CEP128: variants seen among roughly 807,000 people sequenced by gnomAD.
The protein encoded by CEP128 is centrosomal protein 128kDa.
In CEP128, 132 loss-of-function variants were observed where a neutral mutation model predicts 156.7. The ratio of observed to expected loss-of-function variants is 0.84; its 90% CI spans 0.73 to 0.97. The LOEUF (loss-of-function observed/expected upper bound fraction) is 0.97. Ranked by LOEUF, CEP128 falls within the 50% of genes least tolerant of loss-of-function variation. The probability of loss-of-function intolerance (pLI) is 0.00; values close to 1 mark genes in which losing one functional copy is unlikely to be tolerated. For synonymous variants in CEP128, 469 were observed against 448.9 expected (o/e 1.04, Z -0.57); for missense variants, 1,252 against 1,281.9 (o/e 0.98, Z 0.36).
At chr14:80,745,652 C>G (rs1899061959) in intron 18 of CEP128, among the ~76,000 whole-genome samples, 2 of 152,028 alleles carry the variant, frequency 1.3e-5, no homozygotes, top group Non-Finnish European at 2.9e-5. Flanking sequence ...TATTATCATA[C>G]TTAACAGTAA....
chr14:80,729,675 C>G (rs1247906014), intron 19 of CEP128, among the ~76,000 whole-genome samples: 2 of 152,156 alleles, frequency 1.3e-5, no homozygotes, highest in East Asian at 3.9e-4. Context: ...CTCTTTTCAT[C>G]ACATCCGTGC....
chr14:80,681,835 G>A (rs932404651), intron 19 of CEP128, among the ~76,000 whole-genome samples: 1 of 152,176 alleles, frequency 6.6e-6, no homozygotes, highest in Non-Finnish European at 1.5e-5. Context: ...CTAATACAGT[G>A]AGTCATCTCT....
chr14:80,800,401 T>C (rs1883773108), intron 13 of CEP128, among the ~76,000 whole-genome samples: 1 of 152,178 alleles, frequency 6.6e-6, no homozygotes, highest in Non-Finnish European at 1.5e-5. Flanking sequence ...ATTAGTGACA[T>C]AATCCAATGT....
intron 9 of CEP128, among the ~76,000 whole-genome samples, chr14:80,852,549 AC>A (rs1886945741): frequency 6.6e-6 from 1 of 151,880 alleles, no homozygotes; most frequent in Non-Finnish European, 1.5e-5. Context: ...GAAGCAATAA[AC>A]AAAGCCAGTC....
intron 19 of CEP128, among the ~76,000 whole-genome samples, chr14:80,711,020 A>C (rs556996301): frequency 1.3e-5 from 2 of 152,272 alleles, no homozygotes; most frequent in East Asian, 3.9e-4. Context: ...CTCTTAAGAG[A>C]AACAGTATAG....
chr14:80,720,182 A>G (rs1897762263), intron 19 of CEP128, among the ~76,000 whole-genome samples: 1 of 152,108 alleles, frequency 6.6e-6, no homozygotes, highest in African/African-American at 2.4e-5. Context: ...CATATAAGAG[A>G]AACAAAAATA....
chr14:80,690,590 A>G (rs1206522314), intron 19 of CEP128, among the ~76,000 whole-genome samples: 1 of 152,174 alleles, frequency 6.6e-6, no homozygotes, highest in African/African-American at 2.4e-5. Context: ...ATCATGCCAT[A>G]CAGCTGTGTG....
intron 14 of CEP128, 35 bp downstream of exon 14, chr14:80,792,725 T>C (rs777762873): frequency 2.6e-6 from 4 of 1,551,326 alleles, no homozygotes; most frequent in East Asian, 2.2e-5. Context: ...TTGAATCACA[T>C]TGAAAACCGT....
At chr14:80,936,115 A>C (rs565206944) in intron 2 of CEP128, among the ~76,000 whole-genome samples, 1 of 152,362 alleles carries the variant, frequency 6.6e-6, no homozygotes, top group East Asian at 1.9e-4. Context: ...TGGGAAGTAC[A>C]GAATTAAAGC....
intron 9 of CEP128, among the ~76,000 whole-genome samples, chr14:80,849,740 G>A (rs1886793610): frequency 6.6e-6 from 1 of 151,976 alleles, no homozygotes; most frequent in Non-Finnish European, 1.5e-5. Flanking sequence ...AGAAAAAATA[G>A]GCAAAGGATA....
chr14:80,831,496 T>C (rs1885798299), intron 12 of CEP128, among the ~76,000 whole-genome samples: 1 of 152,108 alleles, frequency 6.6e-6, no homozygotes, highest in African/African-American at 2.4e-5. Context: ...TCAAATATTA[T>C]TCCAGTTTGA....
At chr14:80,955,418 G>A (rs1480109746) in intron 2 of CEP128, 1 of 554,878 alleles carries the variant, frequency 1.8e-6, no homozygotes, top group African/African-American at 1.9e-5. Context: ...AACAGACGGA[G>A]CGGACTGCGT....
chr14:80,577,094 A>G (rs976189218), intron 20 of CEP128, among the ~76,000 whole-genome samples: 6 of 152,076 alleles, frequency 3.9e-5, no homozygotes, highest in African/African-American at 1.4e-4. Context: ...TCATAACACT[A>G]TATGTTCCTG....
At chr14:80,592,320 T>C (rs1045933417) in intron 19 of CEP128, among the ~76,000 whole-genome samples, 1 of 152,154 alleles carries the variant, frequency 6.6e-6, no homozygotes, top group Non-Finnish European at 1.5e-5. Context: ...GTGAAGGGGA[T>C]ATCACCACTG....
chr14:80,802,689 A>C (rs1034294663), intron 13 of CEP128, among the ~76,000 whole-genome samples: 13 of 152,172 alleles, frequency 8.5e-5, no homozygotes, highest in Non-Finnish European at 8.8e-5. Context: ...AAAGAAAAAA[A>C]AAGAAAAGTA....
intron 13 of CEP128, among the ~76,000 whole-genome samples, chr14:80,817,395 A>AG (rs1299622810): frequency 5.3e-5 from 8 of 152,224 alleles, no homozygotes; most frequent in African/African-American, 1.9e-4. Flanking sequence ...ACAGCCTTTG[A>AG]ATGGGCCTAC....
At chr14:80,494,480 T>G (rs990283650), downstream of CEP128, among the ~76,000 whole-genome samples, 1 of 152,204 alleles carries the variant, frequency 6.6e-6, no homozygotes, top group Non-Finnish European at 1.5e-5. Flanking sequence ...GGTATTTATC[T>G]CTTCCTAAAA....
chr14:80,890,143 A>G (rs1021463599), intron 8 of CEP128, among the ~76,000 whole-genome samples: 1 of 132,012 alleles, frequency 7.6e-6, no homozygotes, highest in African/African-American at 3.0e-5. Flanking sequence ...GCTGGCAACA[A>G]TGTGGAGAAA....
chr14:80,874,370 A>G (rs1315596621), intron 8 of CEP128, among the ~76,000 whole-genome samples: 1 of 151,984 alleles, frequency 6.6e-6, no homozygotes, highest in Non-Finnish European at 1.5e-5. Flanking sequence ...AGGCTGACGC[A>G]GGAGAATCAC....
Sources: allele counts gnomAD v4.1 joint callset (sites outside exome capture counted in the v4.1 genomes callset), GRCh38; gene constraint gnomAD v4.1.1; transcripts MANE v1.5; gene names NCBI Gene and HGNC (gene_info 2026-07-23, HGNC 2026-07-21).